MYH2: variants seen among roughly 807,000 people sequenced by gnomAD.
MYH2 encodes myosin heavy chain 2.
MYH2 carries 139 observed loss-of-function variants against 228.1 expected under a neutral mutation model. The ratio of observed to expected loss-of-function variants is 0.61; its 90% CI spans 0.53 to 0.70. The LOEUF is 0.70. Among genes scored for constraint, MYH2 ranks in the 30% least tolerant of loss-of-function variants. MYH2 has a pLI of 0.00. For missense variants in MYH2, 1,809 were observed against 2,357.5 expected (o/e 0.77, Z 4.82); for synonymous variants, 796 against 871.1 (o/e 0.91, Z 1.52).
intron 10 of MYH2, 67 bp from the exon 11 acceptor site, chr17:10,540,764 A>G: frequency 1.4e-6 from 2 of 1,385,760 alleles, no homozygotes; most frequent in Non-Finnish European, 2.0e-6. Flanking sequence ...AGATTTCTAG[A>G]CAAATTGTGA....
In MYH2 at chr17:10,523,496, C is replaced by A; in HGVS notation, c.5472G>T (p.Arg1824Ser). 1 of 1,614,162 alleles carries A rather than the reference C, an allele frequency of 6.2e-7. No homozygotes were observed. Among genetic ancestry groups the A allele is most frequent in the Non-Finnish European group, 8.5e-7 (1 of 1,180,034 alleles). Residue 1824 changes from arginine (R) to serine (S), a missense_variant and splice_region_variant, in exon 37 of 40, where the codon AGG (arginine) becomes AGT (serine). Physicochemically the swap from Arg to Ser is moderately radical, Grantham distance 110. Transcript: ENST00000245503. ...AATAGACAGATATTGGGAGACCCAC[C>A]CTGGCCTCCAGTTTCTGGATCTGCT... ...GKKQIQKLEA[R>S]VRELEGEVES...
intron 10 of MYH2, among the ~76,000 whole-genome samples, chr17:10,540,908 C>T (rs765745584): frequency 7.2e-5 from 11 of 152,256 alleles, no homozygotes; most frequent in Middle Eastern, 3.4e-3. Context: ...TAATTTCTTA[C>T]GCCTGTCTTT....
intron 28 of MYH2, 106 bp downstream of exon 28, chr17:10,527,642 G>C: frequency 6.4e-7 from 1 of 1,556,494 alleles, no homozygotes; most frequent in South Asian, 1.1e-5. Context: ...CAGTGAATCA[G>C]ACATGTTCTC....
Position 10,546,255 on chromosome 17 carries a change from T to TTATA in MYH2, c.349-754_349-753insTATA, listed in dbSNP as rs1376514619. 4.0e-3 allele frequency among the ~76,000 whole-genome samples: 108 copies of TTATA among 27,154 alleles called. 3 individuals are homozygous for TTATA. Among genetic ancestry groups the TTATA allele is most frequent in the African/African-American group, 0.011 (60 of 5,318 alleles). The allele number at this position is 27,154 out of a possible 152,430, so 17.8% of individuals were successfully genotyped here. ...AGTTATAAGGAAACAGGACACGAAATGATATATATATATATATATATATAT... is the reference window on the plus strand; with the variant it reads ...AGTTATAAGGAAACAGGACACGAAATTATAGATATATATATATATATATATATAT... On this transcript the variant is annotated intron_variant, in intron 4 of 39. Coordinates refer to ENST00000245503, the MANE Select transcript of MYH2 (RefSeq NM_017534.6).
rs144414607 is a variant in MYH2, at chr17:10,523,796, C to T, written c.5264G>A (p.Arg1755His). ...CTTCTTGGCCTTTTCTTCTGCATTG[C>T]GGGCTTCCTGGAGAATGTCCTCCAT... Reference protein sequence around the residue: ...GEMEDILQEARNAEEKAKKAI... With the variant: ...GEMEDILQEAHNAEEKAKKAI... The change falls in exon 36 of 40, where the codon CGC becomes CAC. Residue 1755 changes from arginine (R) to histidine (H), a missense_variant. Arg to His is a conservative substitution (Grantham distance 29, BLOSUM62 0). Around this residue, in one of 9 missense-constraint regions of MYH2, gnomAD observed 278 missense variants for 308.5 expected, o/e 0.90. Transcript: ENST00000245503. 51 of 1,614,042 alleles carry T rather than the reference C, an allele frequency of 3.2e-5. No individual in the cohort carries two copies. The highest frequency in any genetic ancestry group is 3.1e-4 in the African/African-American group (23 of 74,918).
At chr17:10,529,282 T>C (rs1404232107) in intron 25 of MYH2, 30 bp from the exon 26 acceptor site, 1 of 1,614,024 alleles carries the variant, frequency 6.2e-7, no homozygotes, top group African/African-American at 1.3e-5. Flanking sequence ...GGACAACAAT[T>C]TAGTCCGTAT....
At chr17:10,540,789 G>T in intron 10 of MYH2, 92 bp from the exon 11 acceptor site, 1 of 1,153,792 alleles carries the variant, frequency 8.7e-7, no homozygotes, top group Non-Finnish European at 1.3e-6. Flanking sequence ...CTATATTGTT[G>T]TGGGAACTCA....
Position 10,540,635 on chromosome 17 carries a change from C to G in MYH2, c.967G>C (p.Val323Leu). Residue 323 changes from valine to leucine, a missense_variant, in exon 11 of 40, where the codon GTG becomes CTG. This residue lies in a region of MYH2 where 373 missense variants were observed against 620.4 expected (regional missense o/e 0.60). Transcript: ENST00000245503. ...TCTTCCTGATCATCGATGCTGGCCA[C>G]ACTGATCTCCCCTTGACTGACAAAT... ...YPFVSQGEIS[V>L]ASIDDQEELM... 1 of 1,613,916 alleles carries G rather than the reference C, an allele frequency of 6.2e-7. No homozygotes were observed. Among genetic ancestry groups the G allele is most frequent in the African/African-American group, 1.3e-5 (1 of 75,052 alleles).
At position 10,525,292 on chromosome 17, in the gene MYH2, G is replaced by A. The variant is rs1435517530; in HGVS notation, c.4594C>T (p.Leu1532=). The change falls in exon 33 of 40, where the codon CTG becomes TTG. Residue 1532 remains leucine (L), a synonymous_variant. Transcript: ENST00000245503. The surrounding 1 kb of genome is among the most constrained non-coding windows in gnomAD (Gnocchi z 4.2). ...TCCACTTGTTTCTTTATTTTCTCCA[G>A]TTCATGGATACGTTTCCCTCCTTCT... The part of the protein sequence containing the change: ...IAEGGKRIHE[L]EKIKKQVEQE... 3 of 1,613,882 alleles carry A rather than the reference G, an allele frequency of 1.9e-6. No homozygotes were observed. The highest frequency in any genetic ancestry group is 2.5e-6 in the Non-Finnish European group (3 of 1,179,994).
rs777847575 is a variant in MYH2, at chr17:10,537,226, G to A, written c.1897+7C>T. 6.2e-7 allele frequency: 1 copy of A among 1,613,948 alleles called. No individual in the cohort carries two copies. Among genetic ancestry groups the A allele is most frequent in the Non-Finnish European group, 8.5e-7 (1 of 1,179,944 alleles). On this transcript the variant is annotated splice_region_variant and intron_variant, in intron 16 of 39. Coordinates refer to ENST00000245503, the MANE Select transcript of MYH2 (RefSeq NM_017534.6). This position sits in a 1 kb window ranked among gnomAD's most constrained non-coding sequence, Gnocchi z 4.0. ...CCTAGAGAGTATTATTAACATTTGAGCATTACCTCCTTCAGCAGTTTGAGC... is the reference window on the plus strand; with the variant it reads ...CCTAGAGAGTATTATTAACATTTGAACATTACCTCCTTCAGCAGTTTGAGC...
At chr17:10,541,505 A>G (rs1261184493) in intron 10 of MYH2, among the ~76,000 whole-genome samples, 1 of 152,218 alleles carries the variant, frequency 6.6e-6, no homozygotes, top group Non-Finnish European at 1.5e-5. Flanking sequence ...AGATGTTATC[A>G]ATGACAATGG....
intron 8 of MYH2, 68 bp from the exon 9 acceptor site, chr17:10,543,229 A>T (rs2073580845): frequency 8.5e-7 from 1 of 1,182,398 alleles, no homozygotes; most frequent in Non-Finnish European, 1.2e-6. Context: ...AATTCCAAAC[A>T]TTTGATGCTG....
At chr17:10,547,647 A>C in intron 3 of MYH2, 29 bp from the exon 4 acceptor site, 1 of 1,614,208 alleles carries the variant, frequency 6.2e-7, no homozygotes, top group Non-Finnish European at 8.5e-7. Flanking sequence ...AACCGTTTAC[A>C]TTAATTGAGT....
At position 10,523,345 on chromosome 17, in the gene MYH2, C is replaced by G. The variant is rs748605415; in HGVS notation, c.5540G>C (p.Arg1847Pro). The part of the protein sequence containing the change: ...KRNAEAVKGL[R>P]KHERRVKELT... ...TTCCTTCACTCGCCTCTCATGTTTGCGCAGACCTTTGACAGCCTCAGCATT... is the reference window on the plus strand; with the variant it reads ...TTCCTTCACTCGCCTCTCATGTTTGGGCAGACCTTTGACAGCCTCAGCATT... Residue 1847 changes from arginine to proline, a missense_variant, in exon 38 of 40, where the codon CGC becomes CCC. Physicochemically the swap from Arg to Pro is moderately radical, Grantham distance 103 (BLOSUM62 -2). Coordinates refer to ENST00000245503, the MANE Select transcript of MYH2 (RefSeq NM_017534.6). 6.2e-7 allele frequency: 1 copy of G among 1,614,220 alleles called. No homozygotes were observed. Among genetic ancestry groups the G allele is most frequent in the Non-Finnish European group, 8.5e-7 (1 of 1,180,048 alleles).
chr17:10,528,146 C>T (rs111865071), intron 27 of MYH2, among the ~76,000 whole-genome samples: 14 of 150,542 alleles, frequency 9.3e-5, no homozygotes, highest in African/African-American at 3.2e-4. Context: ...CGGGTTCAAG[C>T]GATTCTCCTG....
At chr17:10,536,468 C>G (rs2073482972) in intron 17 of MYH2, 62 bp downstream of exon 17, 1 of 1,380,352 alleles carries the variant, frequency 7.2e-7, no homozygotes, top group South Asian at 1.2e-5. Context: ...TTCAGAAAAA[C>G]AGACCCATGT....
chr17:10,527,573 C>T (rs79474242), intron 28 of MYH2, among the ~76,000 whole-genome samples, 175 bp downstream of exon 28: 1 of 152,318 alleles, frequency 6.6e-6, no homozygotes, highest in Admixed American at 6.5e-5. Context: ...CTATTGAAAC[C>T]TTTATCTCCA....
In MYH2 at chr17:10,537,218, A is replaced by G. The variant is rs752515438; in HGVS notation, c.1897+15T>C. 56 of 1,613,912 alleles carry G rather than the reference A, an allele frequency of 3.5e-5. No individual in the cohort carries two copies. Among genetic ancestry groups the G allele is most frequent in the Non-Finnish European group, 4.7e-5 (55 of 1,179,868 alleles). ...TTGTAATACCTAGAGAGTATTATTA[A>G]CATTTGAGCATTACCTCCTTCAGCA... On this transcript the variant is annotated intron_variant, in intron 16 of 39. Coordinates refer to ENST00000245503, the MANE Select transcript of MYH2 (RefSeq NM_017534.6). The surrounding 1 kb of genome is among the most constrained non-coding windows in gnomAD (Gnocchi z 4.0).
At position 10,537,484 on chromosome 17, in the gene MYH2, G is replaced by A. The variant is rs1160867842; in HGVS notation, c.1646C>T (p.Thr549Ile). The A allele has an allele frequency of 6.2e-7, 1 of 1,614,216 alleles. No individual in the cohort carries two copies. Among genetic ancestry groups the A allele is most frequent in the East Asian group, 2.2e-5 (1 of 44,884 alleles). Reference protein sequence around the residue: ...EECMFPKATDTSFKNKLYDQH... With the variant: ...EECMFPKATDISFKNKLYDQH... ...GTCATACAGCTTGTTCTTGAAGGAG[G>A]TGTCTGTTGCCTTAGGGAACATGCA... The change falls in exon 16 of 40, where the codon ACC (threonine) becomes ATC (isoleucine). Residue 549 changes from threonine (T) to isoleucine (I), a missense_variant. By Grantham distance (89) the Thr-to-Ile change is moderately conservative. This residue lies in a region of MYH2 where 373 missense variants were observed against 620.4 expected (regional missense o/e 0.60). Transcript: ENST00000245503. This position sits in a 1 kb window ranked among gnomAD's most constrained non-coding sequence, Gnocchi z 4.0.
Sources: gnomAD v4.1 joint callset for allele counts (sites outside exome capture counted in the v4.1 genomes callset) on GRCh38, gnomAD v4.1.1 for gene constraint, gnomAD v4.1.1 regional missense constraint, Gnocchi (gnomAD v3.1) non-coding constraint, MANE v1.5 for transcripts, NCBI Gene and HGNC (gene_info 2026-07-23, HGNC 2026-07-21) for gene names.